The following ULK4 variants were observed in gnomAD, a reference collection of about 807,000 sequenced individuals.
The protein encoded by ULK4 is inactive serine/threonine-protein kinase ULK4.
A neutral mutation model predicts 160.6 loss-of-function variants in ULK4; 133 were observed. The observed-to-expected ratio is 0.83, with a 90% CI of 0.72 to 0.96. ULK4 has a LOEUF of 0.96. Among genes scored for constraint, ULK4 ranks in the 40% least tolerant of loss-of-function variants. The pLI is 0.00. For missense variants in ULK4, 1,580 were observed against 1,499.5 expected, an observed-to-expected ratio of 1.05 and a Z score of -0.89; for synonymous variants, 534 against 539.8, an observed-to-expected ratio of 0.99 and a Z score of 0.15.
At chr3:41,887,069 TACAA>T (rs1460691603) in intron 16 of ULK4, among the ~76,000 whole-genome samples, 2 of 152,194 alleles carry the variant, frequency 1.3e-5, no homozygotes, top group African/African-American at 4.8e-5. Context: ...CTCTACACCC[TACAA>T]ACAGTGACCA....
At chr3:41,461,633 G>T (rs1312632934) in intron 33 of ULK4, among the ~76,000 whole-genome samples, 1 of 152,120 alleles carries the variant, frequency 6.6e-6, no homozygotes, top group Non-Finnish European at 1.5e-5. Flanking sequence ...CCAGCAAGTT[G>T]GAAATAGAAA....
At chr3:41,611,299 G>A (rs953967730) in intron 31 of ULK4, among the ~76,000 whole-genome samples, 2 of 152,160 alleles carry the variant, frequency 1.3e-5, no homozygotes, top group African/African-American at 4.8e-5. Context: ...TCTCACCCAG[G>A]GGGCTCTGCT....
chr3:41,922,340 T>C (rs1220863601), intron 5 of ULK4, among the ~76,000 whole-genome samples: 1 of 151,974 alleles, frequency 6.6e-6, no homozygotes, highest in Non-Finnish European at 1.5e-5. Flanking sequence ...TTTAAAACTT[T>C]GCCAGGCATG....
intron 32 of ULK4, among the ~76,000 whole-genome samples, chr3:41,538,939 T>C (rs993259874): frequency 2.6e-5 from 4 of 151,910 alleles, no homozygotes; most frequent in Admixed American, 6.6e-5. Context: ...TTAAGATAGA[T>C]ACAAATTTTA....
intron 32 of ULK4, among the ~76,000 whole-genome samples, chr3:41,536,671 T>C (rs1013317455): frequency 6.6e-6 from 1 of 152,156 alleles, no homozygotes; most frequent in African/African-American, 2.4e-5. Context: ...ATACATTTAC[T>C]AATAAGTGTA....
At chr3:41,786,824 T>G (rs2125589164) in intron 21 of ULK4, among the ~76,000 whole-genome samples, 1 of 151,880 alleles carries the variant, frequency 6.6e-6, no homozygotes, top group South Asian at 2.1e-4. Flanking sequence ...ATAAAACAAA[T>G]ATAAGATGAC....
intron 27 of ULK4, among the ~76,000 whole-genome samples, chr3:41,703,853 C>A (rs1434084151): frequency 6.6e-6 from 1 of 150,796 alleles, no homozygotes; most frequent in East Asian, 2.0e-4. Context: ...CACACACACA[C>A]ACACACACAC....
chr3:41,762,655 C>CGTTTTTTTTTTTTTTTTTTTTTTTT (rs538388454), intron 21 of ULK4, among the ~76,000 whole-genome samples: 1 of 88,976 alleles, frequency 1.1e-5, no homozygotes, highest in African/African-American at 4.5e-5. Context: ...AAGTGTTACA[C>CGTTTTTTTTTTTTTTTTTTTTTTTT]TTTTTTTTTT....
rs2083181649 is a variant in ULK4 at position 41,442,003 on chromosome 3, T to C, written c.3492+13494A>G. Among the ~76,000 whole-genome samples the C allele has an allele frequency of 2.0e-5, 3 of 152,218 alleles. No individual in the cohort carries two copies. The South Asian group carries it at 6.2e-4, about 32-fold the overall frequency. The stretch of plus-strand genomic sequence containing the variant: ...GCCACTCCAGCTTTCTTTTGATTAG[T>C]GTAACCATGGTGCATCTTCTTCCAT... On this transcript the variant is annotated intron_variant, in intron 34 of 36. Transcript: ENST00000301831.
intron 30 of ULK4, among the ~76,000 whole-genome samples, chr3:41,622,125 G>C (rs1036493402): frequency 3.9e-5 from 6 of 152,320 alleles, no homozygotes; most frequent in East Asian, 3.9e-4. Flanking sequence ...ATACTGGCAA[G>C]GCTGTGGAGA....
intron 21 of ULK4, among the ~76,000 whole-genome samples, chr3:41,761,649 T>C (rs2038989194): frequency 6.6e-6 from 1 of 152,022 alleles, no homozygotes; most frequent in African/African-American, 2.4e-5. Context: ...TATCAAATTT[T>C]ATATTCAAAT....
chr3:41,813,593 T>C lies in ULK4; in HGVS notation c.1848+5830A>G, dbSNP rs1248328909. On this transcript the variant is annotated intron_variant, in intron 19 of 36. Transcript: ENST00000301831. Reference sequence around the variant, plus strand: ...TATATATGTTATCTTTGAAATGTTTTAGACACTAATTACCTAAACAAGGAG... The same window carrying C: ...TATATATGTTATCTTTGAAATGTTTCAGACACTAATTACCTAAACAAGGAG... Among the ~76,000 whole-genome samples the C allele has an allele frequency of 2.0e-5, 3 of 152,238 alleles. No individual in the cohort carries two copies. In the East Asian group the frequency reaches 5.8e-4, roughly 29 times the overall value.
At chr3:41,341,477 A>G (rs1010078396) in intron 35 of ULK4, among the ~76,000 whole-genome samples, 13 of 152,160 alleles carry the variant, frequency 8.5e-5, no homozygotes, top group Non-Finnish European at 1.6e-4. Context: ...ATGCATTTTG[A>G]ATGGTTGGGT....
At chr3:41,755,697 G>T (rs1193578010) in intron 21 of ULK4, among the ~76,000 whole-genome samples, 1 of 152,122 alleles carries the variant, frequency 6.6e-6, no homozygotes, top group Non-Finnish European at 1.5e-5. Flanking sequence ...AGACTGAAAA[G>T]CTCTTCCAGA....
chr3:41,582,031 C>T (rs930811521), intron 31 of ULK4, among the ~76,000 whole-genome samples: 1 of 152,124 alleles, frequency 6.6e-6, no homozygotes, highest in Admixed American at 6.5e-5. Flanking sequence ...TTAGCTGTGT[C>T]CCCACCCAAA....
intron 31 of ULK4, among the ~76,000 whole-genome samples, chr3:41,587,712 CA>C (rs1334593277): frequency 6.6e-6 from 1 of 152,158 alleles, no homozygotes; most frequent in East Asian, 1.9e-4. Context: ...TATGACCTAG[CA>C]CAATACCAGT....
intron 29 of ULK4, among the ~76,000 whole-genome samples, chr3:41,677,507 AT>A (rs1289139707): frequency 6.6e-6 from 1 of 151,464 alleles, no homozygotes; most frequent in Non-Finnish European, 1.5e-5. Context: ...AATTTTTTGT[AT>A]CTTTAGTAGA....
At position 41,291,956 on chromosome 3, in the gene ULK4, G is replaced by A. The variant is rs188798577; in HGVS notation, c.3679-42382C>T. On this transcript the variant is annotated intron_variant, in intron 35 of 36. Transcript: ENST00000301831. The stretch of plus-strand genomic sequence containing the variant: ...TGCCATTATCCTGCCTCAGCCTTCC[G>A]AGTAGCTGGGACTACAGGCCCCCAC... Among the ~76,000 whole-genome samples, 255 of 151,332 alleles carry A rather than the reference G, an allele frequency of 1.7e-3. 4 individuals carry two copies. The highest frequency in any genetic ancestry group is 5.4e-3 in the African/African-American group (223 of 41,208).
rs115309600 is a variant in ULK4, at chr3:41,540,245, G to A, written c.3226+25780C>T. Among the ~76,000 whole-genome samples the A allele has an allele frequency of 1.9e-3, 281 of 151,212 alleles. 1 individual carries two copies. The highest frequency in any genetic ancestry group is 6.5e-3 in the African/African-American group (267 of 41,164). ...CCCAATAGGCCCCAGTGTGTGATGC[G>A]TTCGCATTGTTCAACTCCCATTTAT... On this transcript the variant is annotated intron_variant, in intron 32 of 36. Coordinates refer to ENST00000301831, the MANE Select transcript of ULK4 (RefSeq NM_017886.4).
Sources: gnomAD v4.1 joint callset for allele counts (sites outside exome capture counted in the v4.1 genomes callset) on GRCh38, gnomAD v4.1.1 for gene constraint, MANE v1.5 for transcripts, NCBI Gene and HGNC (gene_info 2026-07-23, HGNC 2026-07-21) for gene names.